The following NDRG3 variants were observed in gnomAD, a reference collection of about 807,000 sequenced individuals.
NDRG3 encodes NDRG family member 3.
NDRG3 carries 23 observed loss-of-function variants against 57.2 expected under a neutral mutation model. That is an observed-to-expected ratio of 0.40 (90% confidence interval 0.29 to 0.57). The LOEUF is 0.57. Ranked by LOEUF, NDRG3 falls within the 20% of genes least tolerant of loss-of-function variation. NDRG3 has a pLI of 0.42. For missense variants in NDRG3, 384 were observed against 457.3 expected (o/e 0.84, Z 1.46); for synonymous variants, 132 against 162.6 (o/e 0.81, Z 1.43).
chr20:36,698,508 T>C (rs978739016), intron 3 of NDRG3, among the ~76,000 whole-genome samples: 1 of 151,864 alleles, frequency 6.6e-6, no homozygotes, highest in African/African-American at 2.4e-5. Context: ...GGAAAATCAC[T>C]TGAGCTACAG....
chr20:36,723,334 T>A (rs765308494), intron 1 of NDRG3, among the ~76,000 whole-genome samples: 20 of 152,112 alleles, frequency 1.3e-4, no homozygotes, highest in African/African-American at 4.8e-5. Flanking sequence ...CAAGAAGCCA[T>A]GGGGATAGGC....
chr20:36,709,452 TAGAG>T (rs1983744070), intron 2 of NDRG3, among the ~76,000 whole-genome samples: 2 of 152,126 alleles, frequency 1.3e-5, no homozygotes, highest in South Asian at 4.2e-4. Context: ...AAGAGAATGG[TAGAG>T]ACAGTAAAAT....
intron 1 of NDRG3, among the ~76,000 whole-genome samples, chr20:36,739,133 TCAAAAAAAAA>T (rs1342044704): frequency 9.5e-5 from 3 of 31,518 alleles, no homozygotes; most frequent in African/African-American, 2.6e-4. Context: ...AGACCCCATC[TCAAAAAAAAA>T]AAAAAAAAAA....
chr20:36,660,590 T>G (rs1288388238), intron 12 of NDRG3, among the ~76,000 whole-genome samples: 4 of 151,066 alleles, frequency 2.6e-5, no homozygotes, highest in African/African-American at 9.8e-5. Context: ...AGACGGAGTC[T>G]CGCTCTGTCG....
At position 36,728,072 on chromosome 20, in the gene NDRG3, G is replaced by T. The variant is rs866570321; in HGVS notation, c.-48-6289C>A. ...ATAGGGAAAGGATTTTTTTTTTTTT[G>T]AGATGGAGTCTCGCTGTGTCGCCCA... On this transcript the variant is annotated intron_variant, in intron 1 of 15. Coordinates refer to ENST00000349004, the MANE Select transcript of NDRG3 (RefSeq NM_032013.4). Among the ~76,000 whole-genome samples, 1,150 of 146,704 alleles carry T rather than the reference G, an allele frequency of 7.8e-3. 19 individuals carry two copies. The highest frequency in any genetic ancestry group is 0.028 in the African/African-American group (1,119 of 39,880).
chr20:36,705,332 AAAAAGAAAAG>A (rs567820465), intron 3 of NDRG3, among the ~76,000 whole-genome samples: 3,956 of 150,020 alleles, frequency 0.026, 74 homozygotes, highest in Middle Eastern at 0.059. Flanking sequence ...AAAAAAAAAA[AAAAAGAAAAG>A]AAAAGAAAAG....
intron 7 of NDRG3, 134 bp downstream of exon 7, chr20:36,682,384 T>G (rs1981378650): frequency 1.5e-6 from 1 of 648,528 alleles, no homozygotes. Context: ...ATACAACCTG[T>G]ATCTAAAGCT....
intron 8 of NDRG3, 76 bp from the exon 9 acceptor site, chr20:36,671,473 G>A: frequency 9.2e-7 from 1 of 1,085,376 alleles, no homozygotes. Context: ...TAAAATGAGT[G>A]CACTTTATTA....
chr20:36,702,952 G>A (rs946553435), intron 3 of NDRG3, among the ~76,000 whole-genome samples: 3 of 152,052 alleles, frequency 2.0e-5, no homozygotes, highest in Non-Finnish European at 4.4e-5. Context: ...CCAAAGTGCT[G>A]GGATTACAGT....
chr20:36,673,069 G>A (rs1180519955), intron 8 of NDRG3, among the ~76,000 whole-genome samples: 1 of 151,992 alleles, frequency 6.6e-6, no homozygotes. Context: ...TCACTGTGTT[G>A]CCCAGGGTAG....
chr20:36,744,305 G>T (rs1269323848), intron 1 of NDRG3, among the ~76,000 whole-genome samples: 1 of 152,082 alleles, frequency 6.6e-6, no homozygotes, highest in Non-Finnish European at 1.5e-5. Flanking sequence ...AGTTTAATCT[G>T]AAGGAAGAGA....
At chr20:36,732,343 G>A (rs1390193178) in intron 1 of NDRG3, among the ~76,000 whole-genome samples, 1 of 152,150 alleles carries the variant, frequency 6.6e-6, no homozygotes, top group Non-Finnish European at 1.5e-5. Context: ...GGGCTCTGCA[G>A]AACACCGTTT....
At chr20:36,686,542 A>G (rs553913523) in intron 5 of NDRG3, among the ~76,000 whole-genome samples, 34 of 152,326 alleles carry the variant, frequency 2.2e-4, no homozygotes, top group African/African-American at 8.2e-4. Context: ...GTGAAAGGAT[A>G]GGGGAAGAAT....
At chr20:36,660,692 C>T (rs999988368) in intron 12 of NDRG3, among the ~76,000 whole-genome samples, 2 of 151,872 alleles carry the variant, frequency 1.3e-5, no homozygotes, top group Non-Finnish European at 2.9e-5. Flanking sequence ...TCCCGAGTAG[C>T]TGGGACTACA....
chr20:36,729,211 C>T (rs1393845631), intron 1 of NDRG3, among the ~76,000 whole-genome samples: 3 of 152,152 alleles, frequency 2.0e-5, no homozygotes, highest in Non-Finnish European at 4.4e-5. Flanking sequence ...AGAAATGAAG[C>T]TCTGAGTCAT....
chr20:36,677,866 A>AG (rs1980895238), intron 8 of NDRG3, among the ~76,000 whole-genome samples: 1 of 152,148 alleles, frequency 6.6e-6, no homozygotes, highest in Non-Finnish European at 1.5e-5. Context: ...TGGCCACAGA[A>AG]GTTTCTGGCT....
In NDRG3 at chr20:36,672,592, G is replaced by C. The variant is rs1980266382; in HGVS notation, c.532-1195C>G. Among the ~76,000 whole-genome samples, 2 of 152,192 alleles carry C rather than the reference G, an allele frequency of 1.3e-5. 1 individual carries two copies. The highest frequency in any genetic ancestry group is 2.9e-5 in the Non-Finnish European group (2 of 68,042). The stretch of plus-strand genomic sequence containing the variant: ...GCCTGTAATCCCAGCACTGTGGGAG[G>C]CCGAGGCCAGCGGATCACCTGAGGT... On this transcript the variant is annotated intron_variant, in intron 8 of 15. Coordinates refer to ENST00000349004, the MANE Select transcript of NDRG3 (RefSeq NM_032013.4).
chr20:36,712,875 C>T (rs1984009840), intron 2 of NDRG3, among the ~76,000 whole-genome samples: 2 of 151,860 alleles, frequency 1.3e-5, no homozygotes, highest in Non-Finnish European at 2.9e-5. Flanking sequence ...AGATTACAGG[C>T]GTGAGCCACT....
chr20:36,678,367 C>T (rs1980941862), intron 8 of NDRG3, among the ~76,000 whole-genome samples: 1 of 152,136 alleles, frequency 6.6e-6, no homozygotes, highest in Admixed American at 6.6e-5. Context: ...GACATCACTG[C>T]CCCTTAGGGA....
Sources: gnomAD v4.1 joint callset for allele counts (sites outside exome capture counted in the v4.1 genomes callset) on GRCh38, gnomAD v4.1.1 for gene constraint, MANE v1.5 for transcripts, NCBI Gene and HGNC (gene_info 2026-07-23, HGNC 2026-07-21) for gene names.